Variants in ATL2 observed in about 807,000 individuals in gnomAD.
ATL2 encodes the protein atlastin-2.
Under a neutral mutation model 73.9 loss-of-function variants are expected in ATL2, and 31 were observed. The ratio of observed to expected loss-of-function variants is 0.42; its 90% CI spans 0.32 to 0.57. ATL2 has a LOEUF of 0.57. Ranked by LOEUF, ATL2 falls within the 20% of genes least tolerant of loss-of-function variation. ATL2 has a pLI of 0.14. For missense variants in ATL2, 738 were observed against 702.6 expected, an observed-to-expected ratio of 1.05 and a Z score of -0.57; for synonymous variants, 291 against 237.5, an observed-to-expected ratio of 1.23 and a Z score of -2.07.
chr2:38,352,131 AC>A (rs1359429349), intron 1 of ATL2, among the ~76,000 whole-genome samples: 1 of 106,108 alleles, frequency 9.4e-6, no homozygotes, highest in Non-Finnish European at 1.8e-5. Context: ...AAAAACAACA[AC>A]CAAAAAAAAA....
intron 2 of ATL2, among the ~76,000 whole-genome samples, chr2:38,323,830 G>A (rs1004677586): frequency 2.0e-5 from 3 of 152,150 alleles, no homozygotes; most frequent in African/African-American, 7.2e-5. Flanking sequence ...AGGGTTGGTT[G>A]TCCTGCCAGG....
At chr2:38,361,353 CAAAAAAAA>C (rs921670483) in intron 1 of ATL2, among the ~76,000 whole-genome samples, 15 of 59,798 alleles carry the variant, frequency 2.5e-4, no homozygotes, top group African/African-American at 6.9e-4. Flanking sequence ...GACTCCGTCT[CAAAAAAAA>C]AAAAAAAAAA....
chr2:38,350,088 C>A (rs188035842), intron 1 of ATL2, among the ~76,000 whole-genome samples: 10 of 152,220 alleles, frequency 6.6e-5, no homozygotes, highest in African/African-American at 2.4e-4. Context: ...TAGTGATTGC[C>A]TACAATTAAA....
rs1294605020 is a variant in ATL2, at chr2:38,343,370, C to T, written c.261G>A (p.Glu87=). 1 of 1,611,558 alleles carries T rather than the reference C, an allele frequency of 6.2e-7. No individual in the cohort carries two copies. Among genetic ancestry groups the T allele is most frequent in the Non-Finnish European group, 8.5e-7 (1 of 1,179,566 alleles). The change falls in exon 2 of 13, where the codon GAG becomes GAA. Residue 87 remains glutamate, a synonymous_variant. Coordinates refer to ENST00000378954, the MANE Select transcript of ATL2 (RefSeq NM_001135673.4). ...EEALEQILLQ[E]HIRDLNIVVV... is the part of the protein sequence containing the mutation. The stretch of plus-strand genomic sequence containing the variant: ...CTACTATGTTAAGATCTCGTATGTG[C>T]TCCTGTAGCAATATCTGCTCCAAAG...
Position 38,322,770 on chromosome 2 carries a change from T to A in ATL2, c.364-3751A>T, listed in dbSNP as rs149865052. 2.8e-4 allele frequency among the ~76,000 whole-genome samples: 42 copies of A among 152,242 alleles called. 1 individual carries two copies. In the East Asian group the frequency reaches 7.9e-3, roughly 29 times the overall value. On this transcript the variant is annotated intron_variant, in intron 2 of 12. Coordinates refer to ENST00000378954, the MANE Select transcript of ATL2 (RefSeq NM_001135673.4). ...TGGCTACACCTGTAATCCCAGCACTTTGGGAGGCCAAGGCAGGAGGATCAC... is the reference window on the plus strand; with the variant it reads ...TGGCTACACCTGTAATCCCAGCACTATGGGAGGCCAAGGCAGGAGGATCAC...
intron 9 of ATL2, among the ~76,000 whole-genome samples, chr2:38,300,584 A>G (rs1667134624): frequency 6.6e-6 from 1 of 152,240 alleles, no homozygotes; most frequent in Non-Finnish European, 1.5e-5. Flanking sequence ...ATAAAATGCC[A>G]TCTTCTTTAT....
At chr2:38,300,389 A>G in intron 9 of ATL2, 61 bp from the exon 10 acceptor site, 1 of 1,128,358 alleles carries the variant, frequency 8.9e-7, no homozygotes, top group Non-Finnish European at 1.3e-6. Context: ...ACATCCCCAA[A>G]GAAAGAAAAG....
At chr2:38,357,651 CAAAAAAAAAA>C (rs1212548216) in intron 1 of ATL2, among the ~76,000 whole-genome samples, 2 of 66,352 alleles carry the variant, frequency 3.0e-5, no homozygotes, top group African/African-American at 5.7e-5. Context: ...GACTCCGTCT[CAAAAAAAAAA>C]AAAAAAAAAA....
intron 1 of ATL2, among the ~76,000 whole-genome samples, chr2:38,368,495 G>T (rs548045708): frequency 2.7e-4 from 41 of 151,310 alleles, no homozygotes; most frequent in African/African-American, 9.9e-4. Flanking sequence ...CAGGTGATCC[G>T]CCCGCCTTGG....
chr2:38,348,193 G>A (rs1406143379), intron 1 of ATL2, among the ~76,000 whole-genome samples: 5 of 152,074 alleles, frequency 3.3e-5, no homozygotes, highest in African/African-American at 9.7e-5. Flanking sequence ...TTGGCTAGGC[G>A]CGGTGGCTCA....
Position 38,309,466 on chromosome 2 carries a change from A to G in ATL2, c.984T>C (p.Val328=), listed in dbSNP as rs1310292364. The change falls in exon 9 of 13, where the codon GTT becomes GTC. Residue 328 remains valine (V), a synonymous_variant. Transcript: ENST00000378954. ...EDFKRELRNL[V]PLLLAPENLV... ...AATTTTCAGGGGCAAGCAGCAATGG[A>G]ACCAGATTTCGAAGCTCTCGTTTAA... The G allele has an allele frequency of 6.2e-7, 1 of 1,612,892 alleles. No homozygotes were observed. Among genetic ancestry groups the G allele is most frequent in the Non-Finnish European group, 8.5e-7 (1 of 1,179,736 alleles).
chr2:38,308,200 A>G (rs1013194964), intron 9 of ATL2, among the ~76,000 whole-genome samples: 1 of 152,212 alleles, frequency 6.6e-6, no homozygotes. Context: ...TTTGGAAGCA[A>G]CCTGTGTCTA....
rs368137732 is a variant in ATL2 at position 38,314,589 on chromosome 2, G to C, written c.711+19C>G. On this transcript the variant is annotated intron_variant, in intron 6 of 12. Transcript: ENST00000378954. Reference sequence around the variant, plus strand: ...CTTCTCATAGGCTAATCTTTAAAATGTTAGAATAACTTTTTTACCTGAAAT... The same window carrying C: ...CTTCTCATAGGCTAATCTTTAAAATCTTAGAATAACTTTTTTACCTGAAAT... 2 of 1,570,482 alleles carry C rather than the reference G, an allele frequency of 1.3e-6. No individual in the cohort carries two copies. The highest frequency in any genetic ancestry group is 1.8e-6 in the Non-Finnish European group (2 of 1,141,980).
At chr2:38,341,542 G>A (rs1384319708) in intron 2 of ATL2, among the ~76,000 whole-genome samples, 1 of 152,156 alleles carries the variant, frequency 6.6e-6, no homozygotes, top group African/African-American at 2.4e-5. Flanking sequence ...GGAGGCTGAG[G>A]TGGGAGGATC....
Position 38,294,734 on chromosome 2 carries a change from T to G in ATL2, c.*1260A>C, listed in dbSNP as rs1235262828. ...CCTTATAGAGACAGACACAGAAAAG[T>G]AACTTTTTACAAGCTTAGTTTTGAG... On this transcript the variant is annotated 3_prime_UTR_variant, in exon 13 of 13. Transcript: ENST00000378954. 1 of 151,730 alleles carries G rather than the reference T, an allele frequency of 6.6e-6. No homozygotes were observed. The highest frequency in any genetic ancestry group is 2.1e-4 in the South Asian group (1 of 4,804). The allele number at this position is 151,730 out of a possible 1,614,324, so 9.4% of individuals were successfully genotyped here.
intron 1 of ATL2, chr2:38,376,293 C>T (rs1671960690): frequency 2.3e-6 from 3 of 1,332,244 alleles, no homozygotes; most frequent in Non-Finnish European, 1.9e-6. Flanking sequence ...GCGCTGCCAA[C>T]GCAACTGCGT....
chr2:38,341,317 A>T (rs1184498495), intron 2 of ATL2, among the ~76,000 whole-genome samples: 1 of 152,112 alleles, frequency 6.6e-6, no homozygotes, highest in African/African-American at 2.4e-5. Context: ...TCTATTTCAG[A>T]TGTAAAATTC....
intron 2 of ATL2, among the ~76,000 whole-genome samples, chr2:38,342,023 T>A (rs1022561624): frequency 3.9e-5 from 6 of 152,146 alleles, no homozygotes; most frequent in African/African-American, 1.4e-4. Flanking sequence ...CTCCAAAATT[T>A]CCAATTCCTT....
chr2:38,331,682 T>C (rs1669005797), intron 2 of ATL2, among the ~76,000 whole-genome samples: 1 of 151,000 alleles, frequency 6.6e-6, no homozygotes, highest in Admixed American at 6.6e-5. Context: ...AAGAAATAAA[T>C]TCATATATCT....
Sources: gnomAD v4.1 joint callset for allele counts (sites outside exome capture counted in the v4.1 genomes callset) on GRCh38, gnomAD v4.1.1 for gene constraint, MANE v1.5 for transcripts, NCBI Gene and HGNC (gene_info 2026-07-23, HGNC 2026-07-21) for gene names.